The following GRXCR1 variants were observed in gnomAD, a reference collection of about 807,000 sequenced individuals.
The protein encoded by GRXCR1 is glutaredoxin and cysteine rich domain containing 1, also known as glutaredoxin domain-containing cysteine-rich protein 1.
In GRXCR1, 27 loss-of-function variants were observed where a neutral mutation model predicts 27.3. The ratio of observed to expected loss-of-function variants is 0.99; its 90% CI spans 0.73 to 1.37. The LOEUF (loss-of-function observed/expected upper bound fraction) is 1.37, where lower values mean the gene tolerates loss of function less well. GRXCR1 is among the 40% of genes most tolerant of loss of function. GRXCR1 has a pLI of 0.00. For synonymous variants in GRXCR1, 122 were observed against 131.1 expected, an observed-to-expected ratio of 0.93 and a Z score of 0.47; for missense variants, 379 against 354.4, an observed-to-expected ratio of 1.07 and a Z score of -0.56.
At chr4:42,927,212 T>C (rs140764082) in intron 1 of GRXCR1, among the ~76,000 whole-genome samples, 1 of 152,096 alleles carries the variant, frequency 6.6e-6, no homozygotes, top group East Asian at 1.9e-4. Flanking sequence ...ATGAAATACA[T>C]TGTGGCAAAC....
chr4:42,952,478 C>A (rs1366676597), intron 1 of GRXCR1, among the ~76,000 whole-genome samples: 1 of 152,136 alleles, frequency 6.6e-6, no homozygotes, highest in Non-Finnish European at 1.5e-5. Context: ...CACCCCCTAC[C>A]TCACCAACAT....
rs746584226 is a variant in GRXCR1, at chr4:42,893,271, T to C, written c.5T>C (p.Leu2Pro). The change falls in exon 1 of 4, where the codon CTT (leucine) becomes CCT (proline). Residue 2 changes from leucine to proline, a missense_variant. Leu to Pro is a moderately conservative substitution (Grantham distance 98, BLOSUM62 -3). Transcript: ENST00000399770. ...TTCATATGGGTGGAGGTGACCATGCTTAAAAGGGAGATGAAGCCAGAAAGT... is the reference window on the plus strand; with the variant it reads ...TTCATATGGGTGGAGGTGACCATGCCTAAAAGGGAGATGAAGCCAGAAAGT... M[L>P]KREMKPESDR... is the part of the protein sequence containing the mutation. 1.2e-6 allele frequency: 2 copies of C among 1,613,524 alleles called. No individual in the cohort carries two copies. Among genetic ancestry groups the C allele is most frequent in the East Asian group, 4.5e-5 (2 of 44,802 alleles).
intron 1 of GRXCR1, among the ~76,000 whole-genome samples, chr4:42,961,019 G>T (rs1343288121): frequency 6.6e-6 from 1 of 151,686 alleles, no homozygotes; most frequent in East Asian, 1.9e-4. Context: ...CCCTCTGACA[G>T]GCCCCAGTGT....
chr4:42,990,655 T>C (rs772719754), intron 2 of GRXCR1, among the ~76,000 whole-genome samples: 3 of 152,096 alleles, frequency 2.0e-5, no homozygotes, highest in African/African-American at 4.8e-5. Flanking sequence ...AAACTAAATG[T>C]TTTTGTTTTA....
At chr4:42,894,094 A>G (rs896900377) in intron 1 of GRXCR1, among the ~76,000 whole-genome samples, 3 of 152,122 alleles carry the variant, frequency 2.0e-5, no homozygotes, top group African/African-American at 7.2e-5. Flanking sequence ...GTTGGGTTCA[A>G]CTGGAAGGTT....
At chr4:42,929,535 G>A (rs1038876755) in intron 1 of GRXCR1, among the ~76,000 whole-genome samples, 1 of 151,978 alleles carries the variant, frequency 6.6e-6, no homozygotes, top group Non-Finnish European at 1.5e-5. Flanking sequence ...ATAAGCATAT[G>A]TGAGTTCCCT....
intron 1 of GRXCR1, among the ~76,000 whole-genome samples, chr4:42,906,793 A>G (rs535184658): frequency 6.6e-6 from 1 of 152,320 alleles, no homozygotes; most frequent in East Asian, 1.9e-4. Flanking sequence ...TCCTCATGAC[A>G]AATTTACAAG....
intron 2 of GRXCR1, among the ~76,000 whole-genome samples, chr4:43,012,280 A>G (rs1015846091): frequency 9.2e-5 from 14 of 152,186 alleles, no homozygotes; most frequent in African/African-American, 2.7e-4. Flanking sequence ...TATGACTGGA[A>G]CATCCTCAAA....
At chr4:42,946,823 G>A (rs1747754900) in intron 1 of GRXCR1, among the ~76,000 whole-genome samples, 1 of 151,968 alleles carries the variant, frequency 6.6e-6, no homozygotes, top group African/African-American at 2.4e-5. Context: ...AATTTTTAGG[G>A]GACACAGTCA....
chr4:42,973,976 G>A (rs186824248), intron 2 of GRXCR1, among the ~76,000 whole-genome samples: 66 of 152,242 alleles, frequency 4.3e-4, no homozygotes, highest in African/African-American at 1.6e-3. Context: ...CAAATTGGTG[G>A]CTATCTGCAC....
At chr4:43,006,311 G>A (rs1712556930) in intron 2 of GRXCR1, among the ~76,000 whole-genome samples, 6 of 152,198 alleles carry the variant, frequency 3.9e-5, no homozygotes, top group South Asian at 4.1e-4. Flanking sequence ...GAATAAGAGA[G>A]GTAACCTTAA....
At chr4:43,007,112 C>T (rs1209478532) in intron 2 of GRXCR1, among the ~76,000 whole-genome samples, 1 of 152,160 alleles carries the variant, frequency 6.6e-6, no homozygotes, top group Non-Finnish European at 1.5e-5. Flanking sequence ...CTGGGATTGA[C>T]AGCAATTAGG....
chr4:42,985,391 T>A (rs1393470455), intron 2 of GRXCR1, among the ~76,000 whole-genome samples: 1 of 152,130 alleles, frequency 6.6e-6, no homozygotes, highest in Non-Finnish European at 1.5e-5. Flanking sequence ...CCTGTAACAT[T>A]TTTTCAAGGA....
intron 1 of GRXCR1, among the ~76,000 whole-genome samples, chr4:42,931,607 CA>C (rs1747307257): frequency 6.6e-6 from 1 of 151,332 alleles, no homozygotes; most frequent in Non-Finnish European, 1.5e-5. Context: ...TATTAATTGG[CA>C]AAAAATTATA....
chr4:42,894,281 T>G (rs771868325), intron 1 of GRXCR1, among the ~76,000 whole-genome samples: 3 of 152,146 alleles, frequency 2.0e-5, no homozygotes, highest in Non-Finnish European at 4.4e-5. Context: ...ATTTTTAACA[T>G]TTATTACTTT....
chr4:42,903,407 GT>G (rs1323819184), intron 1 of GRXCR1, among the ~76,000 whole-genome samples: 1 of 138,380 alleles, frequency 7.2e-6, no homozygotes, highest in African/African-American at 2.6e-5. Flanking sequence ...TGCCTCCTGG[GT>G]TCATGCCATT....
At position 43,009,818 on chromosome 4, in the gene GRXCR1, T is replaced by C. The variant is rs1577943681; in HGVS notation, c.628-10536T>C. On this transcript the variant is annotated intron_variant, in intron 2 of 3. Transcript: ENST00000399770. ...TAGGATTTGAACATATGACTTTTGC[T>C]GTAGACATTCATTCTACAGCAATAC... 2.0e-5 allele frequency among the ~76,000 whole-genome samples: 3 copies of C among 152,336 alleles called. No individual in the cohort carries two copies. The East Asian group carries it at 5.8e-4, about 29-fold the overall frequency.
intron 2 of GRXCR1, among the ~76,000 whole-genome samples, chr4:42,987,114 G>C (rs1159275319): frequency 6.7e-6 from 1 of 148,294 alleles, no homozygotes; most frequent in African/African-American, 2.5e-5. Flanking sequence ...TAAGTTAATG[G>C]TGAAAAAAAG....
At chr4:42,965,153 A>G (rs1748209343) in intron 2 of GRXCR1, among the ~76,000 whole-genome samples, 1 of 152,026 alleles carries the variant, frequency 6.6e-6, no homozygotes, top group Non-Finnish European at 1.5e-5. Flanking sequence ...GAGGAATCTC[A>G]CAGGAAGGGT....
Sources: gnomAD v4.1 joint callset for allele counts (sites outside exome capture counted in the v4.1 genomes callset) on GRCh38, gnomAD v4.1.1 for gene constraint, MANE v1.5 for transcripts, NCBI Gene and HGNC (gene_info 2026-07-23, HGNC 2026-07-21) for gene names.